Variants in ZMYND11 observed in about 807,000 individuals in gnomAD.
ZMYND11 encodes the protein zinc finger MYND domain-containing protein 11.
Under a neutral mutation model 84.9 loss-of-function variants are expected in ZMYND11, and 9 were observed. The ratio of observed to expected loss-of-function variants is 0.11; its 90% CI spans 0.06 to 0.18. The LOEUF (loss-of-function observed/expected upper bound fraction) is 0.18. Ranked by LOEUF, ZMYND11 falls within the 10% of genes least tolerant of loss-of-function variation. The pLI, the probability that ZMYND11 is intolerant of heterozygous loss-of-function variation, is 1.00. For missense variants in ZMYND11, 409 were observed against 761.0 expected, an observed-to-expected ratio of 0.54 and a Z score of 5.44; for synonymous variants, 250 against 244.1, an observed-to-expected ratio of 1.02 and a Z score of -0.23.
At chr10:208,982 C>A (rs1944681085) in intron 2 of ZMYND11, among the ~76,000 whole-genome samples, 1 of 151,442 alleles carries the variant, frequency 6.6e-6, no homozygotes, top group Non-Finnish European at 1.5e-5. Flanking sequence ...ACTGGAGATA[C>A]AGGTAGATAC....
chr10:214,610 C>G (rs1218663599), intron 3 of ZMYND11, among the ~76,000 whole-genome samples: 1 of 152,166 alleles, frequency 6.6e-6, no homozygotes, highest in Non-Finnish European at 1.5e-5. Flanking sequence ...GACCGCAAGA[C>G]CAGGCCACTG....
rs545694068 is a variant in ZMYND11, at chr10:226,937, T to TA, written c.438+5586dup. ...GTGACATATTATTCCAGTATGTCTTTAAAAACTGGAAAAGACTCGTCCCCT... is the reference window on the plus strand; with the variant it reads ...GTGACATATTATTCCAGTATGTCTTTAAAAAACTGGAAAAGACTCGTCCCCT... On this transcript the variant is annotated intron_variant, in intron 4 of 14. Coordinates refer to ENST00000381604, the MANE Select transcript of ZMYND11 (RefSeq NM_001370100.5). Among the ~76,000 whole-genome samples the TA allele has an allele frequency of 9.2e-4, 140 of 152,308 alleles. 1 individual carries two copies. The highest frequency in any genetic ancestry group is 8.3e-4 in the South Asian group (4 of 4,824).
chr10:241,545 G>GC (rs572811716), intron 9 of ZMYND11, among the ~76,000 whole-genome samples: 171 of 152,316 alleles, frequency 1.1e-3, no homozygotes, highest in African/African-American at 3.8e-3. Flanking sequence ...CTAAGGCTTT[G>GC]CCTTTGTCTG....
At chr10:138,607 C>G (rs537595316) in intron 1 of ZMYND11, among the ~76,000 whole-genome samples, 3 of 152,170 alleles carry the variant, frequency 2.0e-5, no homozygotes, top group Admixed American at 6.5e-5. Flanking sequence ...AATTTTAATA[C>G]TTGCTATAAA....
chr10:190,521 C>A (rs1940079551), intron 2 of ZMYND11, among the ~76,000 whole-genome samples: 1 of 152,174 alleles, frequency 6.6e-6, no homozygotes, highest in Admixed American at 6.5e-5. Context: ...TCTCCTGACA[C>A]CTTTAAGTCA....
intron 2 of ZMYND11, among the ~76,000 whole-genome samples, chr10:203,154 T>C (rs1170399840): frequency 6.6e-6 from 1 of 152,070 alleles, no homozygotes; most frequent in African/African-American, 2.4e-5. Flanking sequence ...CCCTACAAAA[T>C]CTAAAACAAG....
At chr10:234,762 AC>A (rs754749138) in intron 4 of ZMYND11, among the ~76,000 whole-genome samples, 1 of 152,176 alleles carries the variant, frequency 6.6e-6, no homozygotes, top group African/African-American at 2.4e-5. Context: ...CAGCCTTCTT[AC>A]GTTTTCTCTT....
At chr10:199,250 G>A (rs1166661365) in intron 2 of ZMYND11, among the ~76,000 whole-genome samples, 2 of 132,158 alleles carry the variant, frequency 1.5e-5, no homozygotes, top group Non-Finnish European at 3.2e-5. Flanking sequence ...TTCCCCCCTC[G>A]CTCGCTCTCT....
intron 2 of ZMYND11, among the ~76,000 whole-genome samples, chr10:208,617 T>A (rs140492342): frequency 5.3e-4 from 81 of 152,348 alleles, no homozygotes; most frequent in Middle Eastern, 3.4e-3. Context: ...TTCATGACTC[T>A]GCACTGTGGG....
At chr10:130,259 C>T (rs973970334), upstream of ZMYND11, among the ~76,000 whole-genome samples, 4 of 152,138 alleles carry the variant, frequency 2.6e-5, no homozygotes, top group South Asian at 8.3e-4. Flanking sequence ...GAGGAAATCC[C>T]CAGGATCCAG....
intron 8 of ZMYND11, among the ~76,000 whole-genome samples, chr10:240,509 AAAC>A (rs1950702718): frequency 6.6e-6 from 1 of 152,216 alleles, no homozygotes; most frequent in Admixed American, 6.5e-5. Flanking sequence ...TCTCAAAACA[AAAC>A]AAAAAAAGGT....
intron 2 of ZMYND11, among the ~76,000 whole-genome samples, chr10:208,187 A>AC (rs1412205474): frequency 6.6e-6 from 1 of 152,246 alleles, no homozygotes; most frequent in African/African-American, 2.4e-5. Flanking sequence ...CTAAAACCAT[A>AC]AAAACCCTAG....
intron 1 of ZMYND11, among the ~76,000 whole-genome samples, chr10:150,944 C>T (rs1840182309): frequency 6.6e-6 from 1 of 152,162 alleles, no homozygotes. Context: ...GCTGCTGATA[C>T]CCAGGCAAAC....
intron 4 of ZMYND11, among the ~76,000 whole-genome samples, chr10:234,239 C>T (rs914575524): frequency 6.6e-6 from 1 of 152,216 alleles, no homozygotes; most frequent in Non-Finnish European, 1.5e-5. Flanking sequence ...ACAGCAACTC[C>T]TGCACATAAT....
At chr10:248,749 A>G (rs1466153891) in intron 13 of ZMYND11, 141 bp downstream of exon 13, 1 of 1,385,640 alleles carries the variant, frequency 7.2e-7, no homozygotes, top group Non-Finnish European at 9.6e-7. Flanking sequence ...CAGCATTTCA[A>G]GTAATAATGA....
chr10:233,016 G>T (rs1335797546), intron 4 of ZMYND11, among the ~76,000 whole-genome samples: 2 of 152,212 alleles, frequency 1.3e-5, no homozygotes, highest in Non-Finnish European at 2.9e-5. Flanking sequence ...GCAAAGGTTA[G>T]AATCAGGGCT....
chr10:199,532 C>T (rs1164788995), intron 2 of ZMYND11, among the ~76,000 whole-genome samples: 4 of 151,968 alleles, frequency 2.6e-5, no homozygotes, highest in African/African-American at 7.3e-5. Flanking sequence ...TGGGCTTAAG[C>T]GGTCCTCCTG....
At chr10:199,992 G>A (rs1252421798) in intron 2 of ZMYND11, among the ~76,000 whole-genome samples, 2 of 151,804 alleles carry the variant, frequency 1.3e-5, no homozygotes, top group Non-Finnish European at 2.9e-5. Context: ...AGCCTCCTGA[G>A]TAGTTGGGAC....
At chr10:172,561 A>AT (rs1845603215) in intron 1 of ZMYND11, among the ~76,000 whole-genome samples, 1 of 152,226 alleles carries the variant, frequency 6.6e-6, no homozygotes. Flanking sequence ...GACAAGATGT[A>AT]TATCAGGAAG....
Sources: allele counts gnomAD v4.1 joint callset (sites outside exome capture counted in the v4.1 genomes callset), GRCh38; gene constraint gnomAD v4.1.1; transcripts MANE v1.5; gene names NCBI Gene and HGNC (gene_info 2026-07-23, HGNC 2026-07-21).